ERICH6B: variants seen among roughly 807,000 people sequenced by gnomAD.
ERICH6B encodes glutamate rich 6B, also known as glutamate-rich protein 6B.
Under a neutral mutation model 80.0 loss-of-function variants are expected in ERICH6B, and 69 were observed. That is an observed-to-expected ratio of 0.86 (90% CI 0.71 to 1.05). ERICH6B has a LOEUF of 1.05. Among genes scored for constraint, ERICH6B ranks in the 50% least tolerant of loss-of-function variants. The pLI, the probability that ERICH6B is intolerant of heterozygous loss-of-function variation, is 0.00. For synonymous variants in ERICH6B, 283 were observed against 291.9 expected (o/e 0.97, Z 0.31); for missense variants, 754 against 796.1 (o/e 0.95, Z 0.64).
chr13:45,613,552 A>C (rs956350940), intron 1 of ERICH6B, among the ~76,000 whole-genome samples: 1 of 152,198 alleles, frequency 6.6e-6, no homozygotes, highest in African/African-American at 2.4e-5. Flanking sequence ...GCGGTGAACT[A>C]ACATAAAGCT....
chr13:45,575,244 C>T lies in ERICH6B; in HGVS notation c.962-314G>A, dbSNP rs139928690. On this transcript the variant is annotated intron_variant, in intron 7 of 14. Coordinates refer to ENST00000298738, the MANE Select transcript of ERICH6B (RefSeq NM_182542.3). ...TGAGTCCTGAGTGAAGTAAGGAATG[C>T]GCAGGCAGAAGGCCACGCAGGCAGA... Among the ~76,000 whole-genome samples the T allele has an allele frequency of 7.6e-3, 1,151 of 152,318 alleles. 14 individuals carry two copies. The highest frequency in any genetic ancestry group is 0.026 in the African/African-American group (1,064 of 41,558).
intron 11 of ERICH6B, among the ~76,000 whole-genome samples, chr13:45,557,530 C>T (rs1191234928): frequency 6.6e-6 from 1 of 152,080 alleles, no homozygotes; most frequent in Non-Finnish European, 1.5e-5. Context: ...AAAAGTTTTT[C>T]CAATGTTGTC....
intron 13 of ERICH6B, among the ~76,000 whole-genome samples, chr13:45,549,551 C>T (rs1031982771): frequency 6.6e-6 from 1 of 152,224 alleles, no homozygotes; most frequent in South Asian, 2.1e-4. Flanking sequence ...TCACCAAACC[C>T]TCCTCTCTGA....
rs1294398526 is a variant in ERICH6B, at chr13:45,607,558, A to G, written c.-59+6T>C. 6.6e-6 allele frequency: 1 copy of G among 152,452 alleles called. No homozygotes were observed. The highest frequency in any genetic ancestry group is 1.5e-5 in the Non-Finnish European group (1 of 68,048). 9.4% of individuals were successfully genotyped at this position (152,452 alleles called of 1,614,324 possible). On this transcript the variant is annotated splice_donor_region_variant and intron_variant, in intron 2 of 14. Transcript: ENST00000298738. ...AGCCCAGTCAGGCTCCTGGCTGAGTACTTACAATGTCAGGGGGTAAACTGA... is the reference window on the plus strand; with the variant it reads ...AGCCCAGTCAGGCTCCTGGCTGAGTGCTTACAATGTCAGGGGGTAAACTGA...
rs148935222 is a variant in ERICH6B, at chr13:45,571,375, T to A, written c.1051-2924A>T. Among the ~76,000 whole-genome samples, 1,067 of 152,312 alleles carry A rather than the reference T, an allele frequency of 7.0e-3. 13 individuals carry two copies. Among genetic ancestry groups the A allele is most frequent in the African/African-American group, 0.024 (993 of 41,566 alleles). On this transcript the variant is annotated intron_variant, in intron 8 of 14. Coordinates refer to ENST00000298738, the MANE Select transcript of ERICH6B (RefSeq NM_182542.3). ...ATGGCATCATTCCCTCCAACCATTTTTTTTTTTGGATTCCTCCTTGCTTAC... is the reference window on the plus strand; with the variant it reads ...ATGGCATCATTCCCTCCAACCATTTATTTTTTTGGATTCCTCCTTGCTTAC...
chr13:45,583,759 C>A (rs146874080), intron 5 of ERICH6B, among the ~76,000 whole-genome samples: 1 of 152,206 alleles, frequency 6.6e-6, no homozygotes. Flanking sequence ...CTCTCTCTTG[C>A]CTGCTGCCAT....
At chr13:45,581,836 C>A (rs752766288) in intron 5 of ERICH6B, among the ~76,000 whole-genome samples, 1 of 152,178 alleles carries the variant, frequency 6.6e-6, no homozygotes, top group African/African-American at 2.4e-5. Flanking sequence ...TGAACACTTG[C>A]CATATCAGTG....
At chr13:45,573,938 A>AT (rs932628809) in intron 8 of ERICH6B, among the ~76,000 whole-genome samples, 5 of 152,044 alleles carry the variant, frequency 3.3e-5, no homozygotes, top group South Asian at 2.1e-4. Flanking sequence ...AATTTATGTC[A>AT]TTTTTTTTCC....
chr13:45,559,857 A>G (rs1280279782), intron 11 of ERICH6B, among the ~76,000 whole-genome samples: 1 of 152,202 alleles, frequency 6.6e-6, no homozygotes, highest in Non-Finnish European at 1.5e-5. Flanking sequence ...GATGAATAGA[A>G]AGTATATTCT....
chr13:45,574,812 G>GT (rs1875315592), intron 8 of ERICH6B, 30 bp downstream of exon 8: 3 of 1,504,398 alleles, frequency 2.0e-6, no homozygotes, highest in African/African-American at 2.8e-5. Flanking sequence ...GGAAGCTGGG[G>GT]GGGGGGTCTC....
intron 5 of ERICH6B, among the ~76,000 whole-genome samples, chr13:45,584,977 C>A (rs1198962592): frequency 2.0e-5 from 3 of 152,176 alleles, no homozygotes; most frequent in Non-Finnish European, 4.4e-5. Flanking sequence ...ACTTCCCTAC[C>A]TTCCTGGAGT....
chr13:45,606,533 A>T (rs1593329119), intron 2 of ERICH6B, among the ~76,000 whole-genome samples: 2 of 30,252 alleles, frequency 6.6e-5, no homozygotes, highest in Admixed American at 4.9e-4. Flanking sequence ...ATATATATAT[A>T]TATATATATA....
In ERICH6B at chr13:45,615,704, G is replaced by T. The variant is rs193115622; in HGVS notation, c.-130C>A. On this transcript the variant is annotated 5_prime_UTR_variant, in exon 1 of 15. Coordinates refer to ENST00000298738, the MANE Select transcript of ERICH6B (RefSeq NM_182542.3). ...CCTTACCCAAGCCAGGCTCCCGCGCGTGCATCCACCGCGATCTCAGGCCCC... is the reference window on the plus strand; with the variant it reads ...CCTTACCCAAGCCAGGCTCCCGCGCTTGCATCCACCGCGATCTCAGGCCCC... 4.6e-4 allele frequency: 70 copies of T among 152,442 alleles called. No homozygotes were observed. The highest frequency in any genetic ancestry group is 1.6e-3 in the African/African-American group (67 of 41,592). The allele number at this position is 152,442 out of a possible 1,614,324, so 9.4% of individuals were successfully genotyped here.
chr13:45,568,273 C>A, intron 9 of ERICH6B, 42 bp downstream of exon 9: 2 of 1,489,884 alleles, frequency 1.3e-6, no homozygotes, highest in South Asian at 1.4e-5. Flanking sequence ...TCTGGCATAC[C>A]CAAATCCACT....
At chr13:45,560,479 C>A (rs1212676923) in intron 11 of ERICH6B, among the ~76,000 whole-genome samples, 1 of 152,178 alleles carries the variant, frequency 6.6e-6, no homozygotes, top group Admixed American at 6.5e-5. Context: ...TCACCCACAG[C>A]CCAGAGTTTA....
At chr13:45,560,433 T>C (rs1026195341) in intron 11 of ERICH6B, among the ~76,000 whole-genome samples, 1 of 152,190 alleles carries the variant, frequency 6.6e-6, no homozygotes, top group African/African-American at 2.4e-5. Context: ...GTGGTACATT[T>C]GTTATAATTG....
intron 1 of ERICH6B, among the ~76,000 whole-genome samples, chr13:45,608,657 C>T (rs61952997): frequency 0.022 from 3,362 of 152,252 alleles, 37 homozygotes; most frequent in African/African-American, 0.036. Context: ...AAATAAATTA[C>T]GCTTTCTCCC....
intron 7 of ERICH6B, among the ~76,000 whole-genome samples, chr13:45,576,188 G>T (rs1566295523): frequency 6.6e-6 from 1 of 152,158 alleles, no homozygotes; most frequent in Non-Finnish European, 1.5e-5. Flanking sequence ...ACTGGGCTGG[G>T]GCTGCGTTTA....
At chr13:45,551,066 T>C (rs569538243) in intron 11 of ERICH6B, among the ~76,000 whole-genome samples, 2 of 152,346 alleles carry the variant, frequency 1.3e-5, no homozygotes, top group African/African-American at 4.8e-5. Flanking sequence ...TAGAAAATTG[T>C]TCATTTTAGG....
Sources: gnomAD v4.1 joint callset for allele counts (sites outside exome capture counted in the v4.1 genomes callset) on GRCh38, gnomAD v4.1.1 for gene constraint, MANE v1.5 for transcripts, NCBI Gene and HGNC (gene_info 2026-07-23, HGNC 2026-07-21) for gene names.